Variants in TUBB8B observed in about 807,000 individuals in gnomAD.
TUBB8B encodes HSA18p11 beta-tubulin 4Q pseudogene.
A neutral mutation model predicts 31.9 loss-of-function variants in TUBB8B; 26 were observed. The observed-to-expected ratio is 0.81, with a 90% confidence interval of 0.60 to 1.13. The LOEUF is 1.13. TUBB8B is among the 50% of genes most tolerant of loss of function. The probability of loss-of-function intolerance (pLI) is 0.00; values close to 1 mark genes in which losing one functional copy is unlikely to be tolerated. For missense variants in TUBB8B, 467 were observed against 586.7 expected, an observed-to-expected ratio of 0.80 and a Z score of 2.11; for synonymous variants, 173 against 231.0, an observed-to-expected ratio of 0.75 and a Z score of 2.28.
upstream of TUBB8B, among the ~76,000 whole-genome samples, chr18:51,251 G>T (rs949440027): frequency 6.6e-6 from 1 of 151,890 alleles, no homozygotes; most frequent in Non-Finnish European, 1.5e-5. Context: ...TGGCCTGCTA[G>T]AATCAATTTG....
At position 47,792 on chromosome 18, in the gene TUBB8B, T is replaced by A; in HGVS notation, c.933A>T (p.Leu311=). ...AACDPRHGCY[L]TVAAIFRGRM... ...GACCCCTGAAAATGGCAGCCACCGT[T>A]AGGTAGCAGCCGTGACGGGGGTCAC... Residue 311 remains leucine, a synonymous_variant, in exon 4 of 4, where the codon CTA becomes CTT. Coordinates refer to ENST00000308911, the MANE Select transcript of TUBB8B (RefSeq NM_001358689.2). 1 of 1,611,780 alleles carries A rather than the reference T, an allele frequency of 6.2e-7. No homozygotes were observed. The highest frequency in any genetic ancestry group is 1.7e-5 in the Admixed American group (1 of 60,008).
rs761803418 is a variant in TUBB8B at position 48,339 on chromosome 18, C to A, written c.386G>T (p.Cys129Phe). The change falls in exon 4 of 4, where the codon TGC becomes TTC. Residue 129 changes from cysteine (C) to phenylalanine (F), a missense_variant. Transcript: ENST00000308911. ...VVRKEAESCD[C>F]LQGFQLTHSL... ...GTGGGTCAGCTGGAAACCCTGCAGG[C>A]AGTCACAGCTCTCAGCCTCCTTTCT... 6.2e-7 allele frequency: 1 copy of A among 1,609,366 alleles called. No individual in the cohort carries two copies. The highest frequency in any genetic ancestry group is 8.5e-7 in the Non-Finnish European group (1 of 1,176,050).
At chr18:72,434 CA>C in the TUBB8B span, among the ~76,000 whole-genome samples, 3 of 152,182 alleles carry the variant, frequency 2.0e-5, no homozygotes, top group East Asian at 5.8e-4. Context: ...TGTACCATTA[CA>C]AATACACTGT....
chr18:64,529 G>A, the TUBB8B span, among the ~76,000 whole-genome samples: 3 of 151,914 alleles, frequency 2.0e-5, no homozygotes, highest in East Asian at 3.9e-4. Context: ...CTTGAGACCA[G>A]CCTGGTCAAC....
In TUBB8B at chr18:48,576, T is replaced by C. The variant is rs183392083; in HGVS notation, c.278-129A>G. On this transcript the variant is annotated intron_variant, in intron 3 of 3. Coordinates refer to ENST00000308911, the MANE Select transcript of TUBB8B (RefSeq NM_001358689.2). ...CCATTCGCCCTGCAGGTGGAGCAAA[T>C]GAAACTCCCTCCTCCAGAGTTACAG... 5.4e-5 allele frequency: 41 copies of C among 759,762 alleles called. 2 individuals carry two copies. In the East Asian group the frequency reaches 8.3e-4, roughly 15 times the overall value. The allele number at this position is 759,762 out of a possible 1,614,324, so 47.1% of individuals were successfully genotyped here. A position where few individuals can be genotyped will look rare whatever the true frequency, so the allele number is the denominator to read the frequency against.
rs750103557 is a variant in TUBB8B at position 47,455 on chromosome 18, G to A, written c.1270C>T (p.Gln424Ter). 9.7e-6 allele frequency: 14 copies of A among 1,437,790 alleles called. No individual in the cohort carries two copies. The highest frequency in any genetic ancestry group is 4.6e-5 in the East Asian group (2 of 43,756). 89.1% of individuals were successfully genotyped at this position (1,437,790 alleles called of 1,614,324 possible). A position where few individuals can be genotyped will look rare whatever the true frequency, so the allele number is the denominator to read the frequency against. Residue 424 changes from glutamine (Q) to a stop codon, truncating the protein, a stop_gained, in exon 4 of 4, where the codon CAA (glutamine) becomes TAA (stop). Transcript: ENST00000308911. LOFTEE classifies it high-confidence loss of function. ...TCCTCGGCCGTGGCATCCTGATATT[G>A]CTGATATTCAGACACCAGGTCGTTC... Reference protein sequence around the residue: ...NMNDLVSEYQQYQDATAEEEE... With the variant: ...NMNDLVSEYQ
chr18:48,959 C>A lies in TUBB8B; in HGVS notation c.258G>T (p.Arg86Ser), dbSNP rs749606114. ...GCTCACCGGAAATGAAGTTGTCTGGCCTGAAGACCTGCCCGAAGGGCCCCG... is the reference window on the plus strand; with the variant it reads ...GCTCACCGGAAATGAAGTTGTCTGGACTGAAGACCTGCCCGAAGGGCCCCG... ...VHSGPFGQVF[R>S]PDNFISGQCG... is the part of the protein sequence containing the mutation. The change falls in exon 3 of 4, where the codon AGG becomes AGT. Residue 86 changes from arginine (R) to serine (S), a missense_variant. Transcript: ENST00000308911. 1 of 1,603,476 alleles carries A rather than the reference C, an allele frequency of 6.2e-7. No individual in the cohort carries two copies. The highest frequency in any genetic ancestry group is 1.7e-5 in the Admixed American group (1 of 59,896).
chr18:49,000 T>C lies in TUBB8B; in HGVS notation c.217A>G (p.Met73Val), dbSNP rs756240782. ...AAGGGCCCCGAGTGCACAGAGTCCATGGTGCCCGGCTCCAGATCCACGAGC... is the reference window on the plus strand; with the variant it reads ...AAGGGCCCCGAGTGCACAGAGTCCACGGTGCCCGGCTCCAGATCCACGAGC... ...AVLVDLEPGT[M>V]DSVHSGPFGQ... Residue 73 changes from methionine to valine, a missense_variant, in exon 3 of 4, where the codon ATG becomes GTG. Transcript: ENST00000308911. 6 of 1,609,410 alleles carry C rather than the reference T, an allele frequency of 3.7e-6. No homozygotes were observed. The Admixed American group carries it at 5.0e-5, about 13-fold the overall frequency.
chr18:66,132 GGA>G, the TUBB8B span, among the ~76,000 whole-genome samples: 2 of 152,150 alleles, frequency 1.3e-5, no homozygotes, highest in African/African-American at 4.8e-5. Context: ...AGGTGACAGA[GGA>G]GAGAGGATTA....
upstream of TUBB8B, chr18:50,215 G>T (rs1265076015): frequency 9.4e-6 from 2 of 213,104 alleles, no homozygotes; most frequent in East Asian, 2.7e-4. Context: ...ATAGGTGTTG[G>T]GTTACGCCTG....
At chr18:65,356 C>T in the TUBB8B span, among the ~76,000 whole-genome samples, 4 of 151,892 alleles carry the variant, frequency 2.6e-5, no homozygotes, top group Admixed American at 6.6e-5. Flanking sequence ...CATACTAGCA[C>T]GTATTTTGAG....
At chr18:59,671 G>C in the TUBB8B span, among the ~76,000 whole-genome samples, 15,707 of 150,434 alleles carry the variant, frequency 0.1, 1,338 homozygotes, top group South Asian at 0.19. Flanking sequence ...AGCCTTCCAA[G>C]TAACTGGGAT....
chr18:55,917 C>A, the TUBB8B span, among the ~76,000 whole-genome samples: 1 of 151,698 alleles, frequency 6.6e-6, no homozygotes, highest in African/African-American at 2.4e-5. Flanking sequence ...CAAACCAATG[C>A]CCTAAAGAGT....
chr18:52,004 G>C (rs1343436905), upstream of TUBB8B, among the ~76,000 whole-genome samples: 1 of 151,420 alleles, frequency 6.6e-6, no homozygotes, highest in East Asian at 1.9e-4. Flanking sequence ...CAGGCTTTAA[G>C]GGTTATGTCT....
chr18:64,246 TTA>T, the TUBB8B span, among the ~76,000 whole-genome samples: 4 of 152,162 alleles, frequency 2.6e-5, no homozygotes, highest in Admixed American at 1.3e-4. Context: ...TCTGTCATAC[TTA>T]TGTTTGCACT....
the TUBB8B span, among the ~76,000 whole-genome samples, chr18:72,196 A>AAAAAAAAAACAAAAAAAAAAAAAC: frequency 1.2e-5 from 1 of 84,536 alleles, no homozygotes; most frequent in South Asian, 4.4e-4. Flanking sequence ...AAAAAAAAAA[A>AAAAAAAAAACAAAAAAAAAAAAAC]AAAGGAAAAA....
the TUBB8B span, among the ~76,000 whole-genome samples, chr18:64,563 T>TA: frequency 3.8e-4 from 55 of 144,264 alleles, no homozygotes; most frequent in Admixed American, 4.8e-4. Context: ...CATCTCCACT[T>TA]AAAAAAAAAA....
At chr18:54,999 T>C in the TUBB8B span, among the ~76,000 whole-genome samples, 1 of 152,080 alleles carries the variant, frequency 6.6e-6, no homozygotes, top group Non-Finnish European at 1.5e-5. Context: ...TTTTGTCCAC[T>C]CTTTAATTGA....
chr18:51,729 T>C (rs1055599729), upstream of TUBB8B, among the ~76,000 whole-genome samples: 1 of 151,800 alleles, frequency 6.6e-6, no homozygotes, highest in African/African-American at 2.4e-5. Flanking sequence ...GATGGTTTTA[T>C]AAAGGGGAGT....
Sources: allele counts gnomAD v4.1 joint callset (sites outside exome capture counted in the v4.1 genomes callset), GRCh38; gene constraint gnomAD v4.1.1; transcripts MANE v1.5; gene names NCBI Gene and HGNC (gene_info 2026-07-23, HGNC 2026-07-21).